The following KCNQ1 variants were observed in gnomAD, a reference collection of about 807,000 sequenced individuals.
KCNQ1 encodes the protein potassium voltage-gated channel subfamily KQT member 1.
In KCNQ1, 49 loss-of-function variants were observed where a neutral mutation model predicts 72.4. The ratio of observed to expected loss-of-function variants is 0.68; its 90% CI spans 0.54 to 0.86. KCNQ1 has a LOEUF of 0.86. KCNQ1 is among the 40% of genes least tolerant of loss of function. The pLI, the probability that KCNQ1 is intolerant of heterozygous loss-of-function variation, is 0.00. For synonymous variants in KCNQ1, 450 were observed against 412.6 expected (o/e 1.09, Z -1.10); for missense variants, 790 against 945.1 (o/e 0.84, Z 2.15).
At chr11:2,570,105 G>A (rs753133184) in intron 2 of KCNQ1, among the ~76,000 whole-genome samples, 1 of 152,344 alleles carries the variant, frequency 6.6e-6, no homozygotes, top group East Asian at 1.9e-4. Flanking sequence ...GGTTCCTGGC[G>A]TGGGACCCCC....
Position 2,670,788 on chromosome 11 carries a change from T to A in KCNQ1, c.1514+8707T>A, listed in dbSNP as rs903345717. 2.8e-5 allele frequency: 11 copies of A among 398,404 alleles called. No homozygotes were observed. Among genetic ancestry groups the A allele is most frequent in the African/African-American group, 1.9e-4 (9 of 48,564 alleles). 24.7% of individuals were successfully genotyped at this position (398,404 alleles called of 1,614,324 possible). ...TTGTGGCTGCCCTCTGCAATAAGAA[T>A]TCTTCAAGTTCAGCCTCTATGTGCA... On this transcript the variant is annotated intron_variant, in intron 11 of 15. Coordinates refer to ENST00000155840, the MANE Select transcript of KCNQ1 (RefSeq NM_000218.3). This position sits in a 1 kb window ranked among gnomAD's most constrained non-coding sequence, Gnocchi z 4.9.
chr11:2,628,271 C>A (rs931252248), intron 10 of KCNQ1: 2 of 398,486 alleles, frequency 5.0e-6, no homozygotes, highest in Non-Finnish European at 8.8e-6. Context: ...TAAGGGACAC[C>A]TTTTCTCCAC....
At chr11:2,633,489 C>G (rs1476532189) in intron 10 of KCNQ1, 1 of 398,372 alleles carries the variant, frequency 2.5e-6, no homozygotes, top group Non-Finnish European at 4.4e-6. Context: ...TCTTCTAGTA[C>G]TGTTTGCTTC....
At chr11:2,585,793 C>T (rs1290980599) in intron 8 of KCNQ1, among the ~76,000 whole-genome samples, 1 of 152,172 alleles carries the variant, frequency 6.6e-6, no homozygotes, top group East Asian at 1.9e-4. Flanking sequence ...GCATGGGCCT[C>T]CCTCTGGGCT....
rs1847500643 is a variant in KCNQ1, at chr11:2,526,149, A to G, written c.387-1779A>G. On this transcript the variant is annotated intron_variant, in intron 1 of 15. Transcript: ENST00000155840. This position sits in a 1 kb window ranked among gnomAD's most constrained non-coding sequence, Gnocchi z 6.1. ...GTCAGGACTGGCAACAAGGGCCGGG[A>G]GGAGCTGGGGTGATCTGGGGCCATC... is the stretch of plus-strand genomic sequence containing the variant. 6.6e-6 allele frequency among the ~76,000 whole-genome samples: 1 copy of G among 152,022 alleles called. No homozygotes were observed. Among genetic ancestry groups the G allele is most frequent in the Admixed American group, 6.5e-5 (1 of 15,280 alleles).
At chr11:2,452,194 G>A (rs575693489) in intron 1 of KCNQ1, among the ~76,000 whole-genome samples, 12 of 152,308 alleles carry the variant, frequency 7.9e-5, no homozygotes, top group East Asian at 7.7e-4. Context: ...ACTCTGGGGC[G>A]CACTGAAAGG....
intron 10 of KCNQ1, chr11:2,615,764 A>G: frequency 5.0e-6 from 2 of 398,046 alleles, no homozygotes; most frequent in Non-Finnish European, 8.9e-6. Context: ...CCTTTTTAAT[A>G]TGCTGCTGAA....
At chr11:2,590,965 C>G (rs1023821407) in intron 10 of KCNQ1, among the ~76,000 whole-genome samples, 9 of 152,370 alleles carry the variant, frequency 5.9e-5, no homozygotes, top group African/African-American at 1.7e-4. Context: ...TGTATGTGCT[C>G]AGCCATCCAA....
At chr11:2,680,851 C>G in intron 11 of KCNQ1, 1 of 398,546 alleles carries the variant, frequency 2.5e-6, no homozygotes, top group Non-Finnish European at 4.4e-6. Context: ...TCTTTTCACT[C>G]AGCACAATTC....
At chr11:2,655,276 T>C (rs946168351) in intron 10 of KCNQ1, 1 of 398,442 alleles carries the variant, frequency 2.5e-6, no homozygotes, top group Non-Finnish European at 4.4e-6. Flanking sequence ...AAAACAAAAT[T>C]GTTTTGTTCT....
In KCNQ1 at chr11:2,686,323, G is replaced by A. The variant is rs781643366; in HGVS notation, c.1514+24242G>A. 2.0e-5 allele frequency: 8 copies of A among 398,700 alleles called. No individual in the cohort carries two copies. The East Asian group carries it at 2.1e-4, about 11-fold the overall frequency. 24.7% of individuals were successfully genotyped at this position (398,700 alleles called of 1,614,324 possible). Reference sequence around the variant, plus strand: ...AGACCACACTAGTGTCACCTGGCCCGTCCCACCTGTTCCAAGCTGGGGGAG... The same window carrying A: ...AGACCACACTAGTGTCACCTGGCCCATCCCACCTGTTCCAAGCTGGGGGAG... On this transcript the variant is annotated intron_variant, in intron 11 of 15. Coordinates refer to ENST00000155840, the MANE Select transcript of KCNQ1 (RefSeq NM_000218.3).
chr11:2,611,861 T>G lies in KCNQ1; in HGVS notation c.1393+23007T>G, dbSNP rs1055488057. On this transcript the variant is annotated intron_variant, in intron 10 of 15. Coordinates refer to ENST00000155840, the MANE Select transcript of KCNQ1 (RefSeq NM_000218.3). The surrounding 1 kb of genome is among the most constrained non-coding windows in gnomAD (Gnocchi z 5.3). ...GTACCATTCTAATTCCTTTGTTAGT[T>G]TATTTCCCCCATTTTTAAAGTGTAA... The G allele has an allele frequency of 2.5e-6, 1 of 398,372 alleles. No individual in the cohort carries two copies. Among genetic ancestry groups the G allele is most frequent in the African/African-American group, 2.1e-5 (1 of 48,632 alleles). 24.7% of individuals were successfully genotyped at this position (398,372 alleles called of 1,614,324 possible). A position where few individuals can be genotyped will look rare whatever the true frequency, so the allele number is the denominator to read the frequency against.
Position 2,698,071 on chromosome 11 carries a change from T to C in KCNQ1, c.1514+35990T>C, listed in dbSNP as rs920359860. 2.5e-6 allele frequency: 1 copy of C among 398,654 alleles called. No homozygotes were observed. The highest frequency in any genetic ancestry group is 1.3e-4 in the South Asian group (1 of 7,860). The allele number at this position is 398,654 out of a possible 1,614,324, so 24.7% of individuals were successfully genotyped here. On this transcript the variant is annotated intron_variant, in intron 11 of 15. Transcript: ENST00000155840. This position sits in a 1 kb window ranked among gnomAD's most constrained non-coding sequence, Gnocchi z 5.1. ...ATCTGGTTAATCCTGCCTGCCTGCT[T>C]TCCTTCAAGTACTGACTGAGTAAGG... is the stretch of plus-strand genomic sequence containing the variant.
Position 2,658,971 on chromosome 11 carries a change from G to GTC in KCNQ1, c.1394-2989_1394-2988insCT. The GTC allele has an allele frequency of 7.5e-6, 3 of 398,440 alleles. No individual in the cohort carries two copies. Among genetic ancestry groups the GTC allele is most frequent in the Non-Finnish European group, 1.3e-5 (3 of 226,030 alleles). The allele number at this position is 398,440 out of a possible 1,614,324, so 24.7% of individuals were successfully genotyped here. A position where few individuals can be genotyped will look rare whatever the true frequency, so the allele number is the denominator to read the frequency against. ...GACAGACTTTTGCTTTAACCATAGA[G>GTC]TGTCCAGTCAAAACAGTGTTTTTGA... On this transcript the variant is annotated intron_variant, in intron 10 of 15. Transcript: ENST00000155840. The surrounding 1 kb of genome is among the most constrained non-coding windows in gnomAD (Gnocchi z 4.9).
chr11:2,679,404 A>G lies in KCNQ1; in HGVS notation c.1514+17323A>G. 1 of 398,650 alleles carries G rather than the reference A, an allele frequency of 2.5e-6. No individual in the cohort carries two copies. Among genetic ancestry groups the G allele is most frequent in the Non-Finnish European group, 4.4e-6 (1 of 226,064 alleles). The allele number at this position is 398,650 out of a possible 1,614,324, so 24.7% of individuals were successfully genotyped here. A position where few individuals can be genotyped will look rare whatever the true frequency, so the allele number is the denominator to read the frequency against. ...CAGTTTCTTTATTTGTAAAATGGGA[A>G]TCATAAGAGTACCTTCCTCAGAGGG... On this transcript the variant is annotated intron_variant, in intron 11 of 15. Coordinates refer to ENST00000155840, the MANE Select transcript of KCNQ1 (RefSeq NM_000218.3). This position sits in a 1 kb window ranked among gnomAD's most constrained non-coding sequence, Gnocchi z 4.8.
intron 11 of KCNQ1, among the ~76,000 whole-genome samples, chr11:2,706,372 T>C (rs1435210125): frequency 6.6e-6 from 1 of 152,200 alleles, no homozygotes; most frequent in African/African-American, 2.4e-5. Flanking sequence ...CTCCTATAAA[T>C]GGCCTCCTGT....
At position 2,764,290 on chromosome 11, in the gene KCNQ1, C is replaced by CT. The variant is rs1229093406; in HGVS notation, c.1515-4552dup. ...CAGGTCTCGCTTTATCAAATGCTTT[C>CT]TTACAATCTGTTGTGTTGATTGTAT... On this transcript the variant is annotated intron_variant, in intron 11 of 15. Transcript: ENST00000155840. The surrounding 1 kb of genome is among the most constrained non-coding windows in gnomAD (Gnocchi z 4.8). 6.6e-6 allele frequency among the ~76,000 whole-genome samples: 1 copy of CT among 151,434 alleles called. No homozygotes were observed. The highest frequency in any genetic ancestry group is 1.5e-5 in the Non-Finnish European group (1 of 67,936).
intron 15 of KCNQ1, among the ~76,000 whole-genome samples, chr11:2,845,420 G>A (rs917799994): frequency 1.3e-5 from 2 of 151,910 alleles, no homozygotes; most frequent in Non-Finnish European, 2.9e-5. Flanking sequence ...TCTGTGGCTC[G>A]TCCCCAAGTG....
rs1846394110 is a variant in KCNQ1 at position 2,468,783 on chromosome 11, C to T, written c.386+23299C>T. ...TTGGGTAGAGCCTACTTTGCCGATC[C>T]ATGCACCTGTTGATGGACATGTGGG... is the stretch of plus-strand genomic sequence containing the variant. On this transcript the variant is annotated intron_variant, in intron 1 of 15. Transcript: ENST00000155840. This position sits in a 1 kb window ranked among gnomAD's most constrained non-coding sequence, Gnocchi z 5.7. Among the ~76,000 whole-genome samples the T allele has an allele frequency of 6.6e-6, 1 of 152,192 alleles. No individual in the cohort carries two copies. Among genetic ancestry groups the T allele is most frequent in the African/African-American group, 2.4e-5 (1 of 41,430 alleles).
Sources: allele counts gnomAD v4.1 joint callset (sites outside exome capture counted in the v4.1 genomes callset), GRCh38; gene constraint gnomAD v4.1.1; non-coding constraint Gnocchi (gnomAD v3.1); transcripts MANE v1.5; gene names NCBI Gene and HGNC (gene_info 2026-07-23, HGNC 2026-07-21).